Variants in CUBN observed in about 807,000 individuals in gnomAD.
The protein encoded by CUBN is 460 kDa receptor.
Under a neutral mutation model 405.3 loss-of-function variants are expected in CUBN, and 282 were observed. The ratio of observed to expected loss-of-function variants is 0.70; its 90% CI spans 0.63 to 0.77. The LOEUF (loss-of-function observed/expected upper bound fraction) is 0.77, where lower values mean the gene tolerates loss of function less well. Ranked by LOEUF, CUBN falls within the 30% of genes least tolerant of loss-of-function variation. The pLI is 0.00. For synonymous variants in CUBN, 1,684 were observed against 1,617.0 expected, an observed-to-expected ratio of 1.04 and a Z score of -0.99; for missense variants, 4,514 against 4,475.2, an observed-to-expected ratio of 1.01 and a Z score of -0.25.
Position 16,906,322 on chromosome 10 carries a change from T to C in CUBN, c.7793A>G (p.Asn2598Ser). ...DGVRNYSRNL[N>S]CEWTLSNPNQ... ...TGGATTGCTGAGAGTCCATTCGCAG[T>C]TCAGGTTTCTTGAGTAATTCCTGAC... The change falls in exon 50 of 67, where the codon AAC becomes AGC. Residue 2598 changes from asparagine to serine, a missense_variant. Coordinates refer to ENST00000377833, the MANE Select transcript of CUBN (RefSeq NM_001081.4). The C allele has an allele frequency of 6.2e-7, 1 of 1,613,960 alleles. No individual in the cohort carries two copies. Among genetic ancestry groups the C allele is most frequent in the South Asian group, 1.1e-5 (1 of 91,080 alleles).
intron 22 of CUBN, among the ~76,000 whole-genome samples, chr10:17,059,755 C>T (rs980879875): frequency 1.3e-5 from 2 of 152,170 alleles, no homozygotes; most frequent in African/African-American, 2.4e-5. Flanking sequence ...TTCTGCTAGG[C>T]GGTCATGGTC....
Position 16,940,121 on chromosome 10 carries a change from T to C in CUBN, c.5459A>G (p.Tyr1820Cys), listed in dbSNP as rs139369652. 48 of 1,614,132 alleles carry C rather than the reference T, an allele frequency of 3.0e-5. No homozygotes were observed. In the African/African-American group the frequency reaches 4.1e-4, roughly 14 times the overall value. Residue 1820 changes from tyrosine (Y) to cysteine (C), a missense_variant, in exon 37 of 67, where the codon TAT (tyrosine) becomes TGT (cysteine). By Grantham distance (194) the Tyr-to-Cys change is radical. Around this residue, in one of 5 missense-constraint regions of CUBN, gnomAD observed 1,613 missense variants for 1,542.8 expected, o/e 1.05. Coordinates refer to ENST00000377833, the MANE Select transcript of CUBN (RefSeq NM_001081.4). ...CAGGGTATGTCCAACGATGGAAGAA[T>C]AATTGAGAGGGAAGGAGTTTCCACA... Reference protein sequence around the residue: ...RYCGNSFPLNYSSIVGHTLWV... With the variant: ...RYCGNSFPLNCSSIVGHTLWV...
In CUBN at chr10:16,937,735, C is replaced by A. The variant is rs201513648; in HGVS notation, c.5783G>T (p.Gly1928Val). ...GGAGCTGAAAGATTCAGTCTGGGTA[C>A]CACAGTAAGCTCCAATTAGGCGGGC... ...IHARLIGAYC[G>V]TQTESFSSTG... Residue 1928 changes from glycine (G) to valine (V), a missense_variant, in exon 39 of 67, where the codon GGT becomes GTT. Transcript: ENST00000377833. 1.3e-4 allele frequency: 203 copies of A among 1,613,848 alleles called. No individual in the cohort carries two copies. Among genetic ancestry groups the A allele is most frequent in the Non-Finnish European group, 1.7e-4 (200 of 1,179,990 alleles).
At chr10:17,114,260 T>G in intron 7 of CUBN, 71 bp from the exon 8 acceptor site, 1 of 1,477,992 alleles carries the variant, frequency 6.8e-7, no homozygotes, top group East Asian at 2.3e-5. Flanking sequence ...GAACATTTCA[T>G]CAAGCCCCTA....
At chr10:17,081,178 G>A (rs766765131) in intron 17 of CUBN, among the ~76,000 whole-genome samples, 1 of 152,172 alleles carries the variant, frequency 6.6e-6, no homozygotes, top group South Asian at 2.1e-4. Context: ...CAAAACCACA[G>A]TATCTGTGAA....
chr10:16,950,640 A>T (rs1020505380), intron 33 of CUBN, among the ~76,000 whole-genome samples: 2 of 152,194 alleles, frequency 1.3e-5, no homozygotes, highest in Non-Finnish European at 2.9e-5. Flanking sequence ...GTTTCCTTTG[A>T]AGAGTAATAG....
chr10:16,956,008 A>G (rs1332992467), intron 31 of CUBN, among the ~76,000 whole-genome samples: 1 of 149,838 alleles, frequency 6.7e-6, no homozygotes, highest in African/African-American at 2.5e-5. Context: ...ATTTCATAAG[A>G]AAATCTTGGG....
intron 27 of CUBN, among the ~76,000 whole-genome samples, chr10:17,022,890 C>T (rs564092510): frequency 1.3e-5 from 2 of 152,318 alleles, no homozygotes; most frequent in Admixed American, 1.3e-4. Context: ...CAGGCTAAGT[C>T]ATCATAACCC....
Position 16,915,064 on chromosome 10 carries a change from C to G in CUBN, c.7319G>C (p.Gly2440Ala). 2 of 1,614,080 alleles carry G rather than the reference C, an allele frequency of 1.2e-6. No homozygotes were observed. The change falls in exon 47 of 67, where the codon GGA becomes GCA. Residue 2440 changes from glycine to alanine, a missense_variant. Physicochemically the swap from Gly to Ala is moderately conservative, Grantham distance 60. This residue lies in a region of CUBN where 1,613 missense variants were observed against 1,542.8 expected (regional missense o/e 1.05). Transcript: ENST00000377833. ...FVTDGSVTASGFRLRFESSME... is the reference protein window; with the variant it reads ...FVTDGSVTASAFRLRFESSME... ...ACTGGATTCAAATCGCAGTCTGAAT[C>G]CTGAGGCAGTCACAGAGCCGTCTGT...
Position 16,915,936 on chromosome 10 carries a change from C to T in CUBN, c.7095G>A (p.Trp2365Ter), listed in dbSNP as rs374538208. 12 of 1,613,912 alleles carry T rather than the reference C, an allele frequency of 7.4e-6. No homozygotes were observed. The African/African-American group carries it at 1.2e-4, about 16-fold the overall frequency. The change falls in exon 46 of 67, where the codon TGG becomes TGA. Residue 2365 changes from tryptophan (W) to a stop codon, truncating the protein, a stop_gained. Transcript: ENST00000377833. LOFTEE classifies it high-confidence loss of function. ...AGTGTCCAGAGAGCCCCTGGAGATGCCACTCACAGAATAAGTTGTCTCTGT... is the reference window on the plus strand; with the variant it reads ...AGTGTCCAGAGAGCCCCTGGAGATGTCACTCACAGAATAAGTTGTCTCTGT... Reference protein sequence around the residue: ...LPYRDNLFCEWHLQGLSGHYL... With the variant: ...LPYRDNLFCE
chr10:16,889,789 C>A (rs534161671), intron 55 of CUBN, among the ~76,000 whole-genome samples: 4 of 151,830 alleles, frequency 2.6e-5, no homozygotes, highest in Non-Finnish European at 4.4e-5. Flanking sequence ...GTAGTCCCAG[C>A]TACTCGGCAG....
intron 27 of CUBN, among the ~76,000 whole-genome samples, chr10:17,025,768 C>T (rs966386489): frequency 1.8e-4 from 27 of 152,078 alleles, no homozygotes; most frequent in African/African-American, 5.8e-4. Context: ...GAGGCCAATC[C>T]TCGCAGTGTG....
chr10:16,841,849 G>T (rs1241470371), intron 60 of CUBN, among the ~76,000 whole-genome samples: 2 of 138,058 alleles, frequency 1.4e-5, no homozygotes, highest in Non-Finnish European at 1.5e-5. Flanking sequence ...GGAGGTGGAG[G>T]TTACAGTGAG....
chr10:16,837,956 C>T (rs906805114), intron 62 of CUBN, among the ~76,000 whole-genome samples: 1 of 152,134 alleles, frequency 6.6e-6, no homozygotes, highest in African/African-American at 2.4e-5. Context: ...CACCCTGATC[C>T]CCATTGTCTT....
chr10:16,954,020 C>T (rs1842986722), intron 32 of CUBN, among the ~76,000 whole-genome samples: 1 of 152,136 alleles, frequency 6.6e-6, no homozygotes, highest in Non-Finnish European at 1.5e-5. Flanking sequence ...CCACTGCTTC[C>T]AGGGGCTGGC....
At chr10:17,119,721 AAG>A (rs1272937463) in intron 6 of CUBN, among the ~76,000 whole-genome samples, 1 of 152,180 alleles carries the variant, frequency 6.6e-6, no homozygotes, top group African/African-American at 2.4e-5. Flanking sequence ...CTTCAGAACA[AAG>A]AGGGAGTAAC....
chr10:16,961,408 C>T (rs1372586512), intron 31 of CUBN, among the ~76,000 whole-genome samples: 2 of 152,142 alleles, frequency 1.3e-5, no homozygotes. Context: ...AGGAGATTTG[C>T]ATAAATGTCC....
chr10:16,882,227 C>T (rs1003839408), intron 56 of CUBN, among the ~76,000 whole-genome samples: 9 of 152,160 alleles, frequency 5.9e-5, no homozygotes, highest in Non-Finnish European at 8.8e-5. Context: ...ATACTTTCTC[C>T]GTGGACTAGA....
At chr10:16,846,855 G>A (rs554564116) in intron 60 of CUBN, among the ~76,000 whole-genome samples, 17 of 151,830 alleles carry the variant, frequency 1.1e-4, no homozygotes, top group Admixed American at 6.6e-4. Context: ...AAAGGGGCAC[G>A]GATGGGGTTG....
Sources: gnomAD v4.1 joint callset for allele counts (sites outside exome capture counted in the v4.1 genomes callset) on GRCh38, gnomAD v4.1.1 for gene constraint, gnomAD v4.1.1 regional missense constraint, MANE v1.5 for transcripts, NCBI Gene and HGNC (gene_info 2026-07-23, HGNC 2026-07-21) for gene names.